Variants in FHIT observed in about 807,000 individuals in gnomAD.
The protein encoded by FHIT is fragile histidine triad diadenosine triphosphatase, also known as bis(5'-adenosyl)-triphosphatase.
Under a neutral mutation model 17.9 loss-of-function variants are expected in FHIT, and 19 were observed. The ratio of observed to expected loss-of-function variants is 1.06; its 90% CI spans 0.74 to 1.56. FHIT has a LOEUF of 1.56. Ranked by LOEUF, FHIT falls within the 40% of genes most tolerant of loss-of-function variation. The pLI is 0.00. For missense variants in FHIT, 248 were observed against 189.2 expected, an observed-to-expected ratio of 1.31 and a Z score of -1.82; for synonymous variants, 81 against 69.7, an observed-to-expected ratio of 1.16 and a Z score of -0.81.
chr3:61,085,496 A>G (rs1344060929), intron 2 of FHIT, among the ~76,000 whole-genome samples: 1 of 152,156 alleles, frequency 6.6e-6, no homozygotes, highest in Non-Finnish European at 1.5e-5. Context: ...CGACATAAGA[A>G]TTCTTTATAT....
chr3:59,873,734 G>A (rs515208), intron 8 of FHIT, among the ~76,000 whole-genome samples: 140,704 of 152,064 alleles, frequency 0.93, 65,413 homozygotes, highest in East Asian at 1. Context: ...GAGAAGAGTC[G>A]AAAAGAACCC....
At chr3:60,009,621 T>C (rs1000812902) in intron 7 of FHIT, among the ~76,000 whole-genome samples, 1 of 152,188 alleles carries the variant, frequency 6.6e-6, no homozygotes, top group African/African-American at 2.4e-5. Flanking sequence ...TTTGTGTGTG[T>C]GTGTTTATTA....
chr3:60,463,720 A>G (rs1455774028), intron 5 of FHIT, among the ~76,000 whole-genome samples: 1 of 152,194 alleles, frequency 6.6e-6, no homozygotes, highest in East Asian at 1.9e-4. Flanking sequence ...TTTCCAATCA[A>G]AAAAACTTAG....
At chr3:60,195,587 T>TTATATATAATTATATATATG (rs1212613284) in intron 5 of FHIT, among the ~76,000 whole-genome samples, 2 of 59,454 alleles carry the variant, frequency 3.4e-5, no homozygotes, top group Non-Finnish European at 6.0e-5. Flanking sequence ...ATATTTATAT[T>TTATATATAATTATATATATG]TATATATAAT....
At chr3:61,207,959 T>C (rs1029011219) in intron 1 of FHIT, among the ~76,000 whole-genome samples, 3 of 152,228 alleles carry the variant, frequency 2.0e-5, no homozygotes, top group Non-Finnish European at 2.9e-5. Flanking sequence ...TTTAGTGCTA[T>C]AAATTTCCCT....
intron 3 of FHIT, among the ~76,000 whole-genome samples, chr3:60,933,441 C>G (rs1005497006): frequency 6.6e-6 from 1 of 152,156 alleles, no homozygotes; most frequent in Non-Finnish European, 1.5e-5. Flanking sequence ...CATATGAAGT[C>G]TTAGAACTCC....
intron 5 of FHIT, among the ~76,000 whole-genome samples, chr3:60,436,990 T>A (rs910866497): frequency 5.3e-5 from 8 of 152,066 alleles, no homozygotes; most frequent in African/African-American, 1.4e-4. Flanking sequence ...ATAAATAAAG[T>A]AAAGAACAGC....
chr3:61,158,953 TG>T (rs2037611225), intron 2 of FHIT, among the ~76,000 whole-genome samples: 1 of 152,238 alleles, frequency 6.6e-6, no homozygotes, highest in African/African-American at 2.4e-5. Flanking sequence ...ACATGTAGAC[TG>T]GGAAAAGTCC....
intron 4 of FHIT, among the ~76,000 whole-genome samples, chr3:60,738,513 G>A (rs1447747836): frequency 1.3e-5 from 2 of 152,186 alleles, no homozygotes; most frequent in African/African-American, 2.4e-5. Context: ...ATCTGTCTCA[G>A]AAGGACCTGC....
chr3:60,678,091 T>C (rs1453866750), intron 4 of FHIT, among the ~76,000 whole-genome samples: 1 of 152,174 alleles, frequency 6.6e-6, no homozygotes, highest in Non-Finnish European at 1.5e-5. Context: ...TGTTCATCTT[T>C]TCAAAAAACC....
intron 5 of FHIT, among the ~76,000 whole-genome samples, chr3:60,228,981 C>A (rs575787928): frequency 6.6e-6 from 1 of 152,258 alleles, no homozygotes; most frequent in African/African-American, 2.4e-5. Context: ...AGGTGAGATT[C>A]GAGAAATGTC....
intron 7 of FHIT, among the ~76,000 whole-genome samples, chr3:59,924,857 C>G (rs959636526): frequency 2.0e-5 from 3 of 152,148 alleles, no homozygotes; most frequent in African/African-American, 7.2e-5. Flanking sequence ...CTAACAAGCT[C>G]CCAGCTGATG....
intron 3 of FHIT, among the ~76,000 whole-genome samples, chr3:60,942,263 A>C (rs1553774732): frequency 6.6e-6 from 1 of 152,238 alleles, no homozygotes; most frequent in African/African-American, 2.4e-5. Flanking sequence ...TGTTAGCACC[A>C]GCATAATTAA....
chr3:60,944,262 T>A (rs1345769793), intron 3 of FHIT, among the ~76,000 whole-genome samples: 1 of 152,218 alleles, frequency 6.6e-6, no homozygotes, highest in African/African-American at 2.4e-5. Flanking sequence ...TTATTCCAAT[T>A]AATGTCCTGA....
chr3:60,938,848 T>G (rs186944459), intron 3 of FHIT, among the ~76,000 whole-genome samples: 3 of 151,482 alleles, frequency 2.0e-5, no homozygotes, highest in Admixed American at 2.0e-4. Context: ...AAACATAATT[T>G]GAATGGGAAA....
intron 2 of FHIT, among the ~76,000 whole-genome samples, chr3:61,098,954 A>G (rs570138737): frequency 6.6e-6 from 1 of 152,220 alleles, no homozygotes; most frequent in Non-Finnish European, 1.5e-5. Flanking sequence ...TTCTAACACT[A>G]TGTTGAATGG....
chr3:59,819,366 T>C (rs925690739), intron 8 of FHIT, among the ~76,000 whole-genome samples: 1 of 152,218 alleles, frequency 6.6e-6, no homozygotes, highest in African/African-American at 2.4e-5. Flanking sequence ...TTAGCAACTG[T>C]GTCTCTCAGT....
intron 4 of FHIT, among the ~76,000 whole-genome samples, chr3:60,775,416 C>T (rs1700188013): frequency 1.3e-5 from 2 of 152,126 alleles, no homozygotes; most frequent in Admixed American, 6.5e-5. Context: ...CTTCCTTTTC[C>T]TGTGTGGAAC....
At chr3:59,949,003 T>C (rs536285146) in intron 7 of FHIT, among the ~76,000 whole-genome samples, 17 of 152,304 alleles carry the variant, frequency 1.1e-4, no homozygotes, top group African/African-American at 3.1e-4. Flanking sequence ...GCAGTGAGCA[T>C]AGGACCCAAT....
Sources: gnomAD v4.1 joint callset for allele counts (sites outside exome capture counted in the v4.1 genomes callset) on GRCh38, gnomAD v4.1.1 for gene constraint, MANE v1.5 for transcripts, NCBI Gene and HGNC (gene_info 2026-07-23, HGNC 2026-07-21) for gene names.